Variants in KHDC1 observed in about 807,000 individuals in gnomAD.
KHDC1 encodes the protein KH homology domain-containing protein 1.
A neutral mutation model predicts 24.7 loss-of-function variants in KHDC1; 21 were observed. The ratio of observed to expected loss-of-function variants is 0.85; its 90% confidence interval spans 0.60 to 1.23. The LOEUF (loss-of-function observed/expected upper bound fraction) is 1.23. Ranked by LOEUF, KHDC1 falls within the 50% of genes most tolerant of loss-of-function variation. KHDC1 has a pLI of 0.00. For synonymous variants in KHDC1, 98 were observed against 111.7 expected (o/e 0.88, Z 0.77); for missense variants, 274 against 298.5 (o/e 0.92, Z 0.61).
At chr6:73,297,361 CTT>C (rs1767776763) in intron 1 of KHDC1, among the ~76,000 whole-genome samples, 2 of 151,948 alleles carry the variant, frequency 1.3e-5, no homozygotes, top group South Asian at 4.2e-4. Flanking sequence ...ATGATGAGCA[CTT>C]ATCTTTTCAC....
At chr6:73,267,539 T>C (rs1457408393) in intron 2 of KHDC1, among the ~76,000 whole-genome samples, 2 of 152,112 alleles carry the variant, frequency 1.3e-5, no homozygotes, top group Non-Finnish European at 2.9e-5. Context: ...GGCAAAGATA[T>C]TGAGAAATTT....
chr6:73,306,612 A>G (rs189645563), intron 1 of KHDC1, among the ~76,000 whole-genome samples: 64 of 151,412 alleles, frequency 4.2e-4, no homozygotes, highest in African/African-American at 1.5e-3. Flanking sequence ...ATCTGACTGG[A>G]CTGCTGGACA....
chr6:73,241,714 C>A lies in KHDC1; in HGVS notation c.529G>T (p.Glu177Ter). ...GTCAGAGGCTGGCTTCGGACACGTT[C>A]CAGCATCTCCAGGCCTGCAAAATAA... is the stretch of plus-strand genomic sequence containing the variant. The change falls in exon 5 of 5, where the codon GAA (glutamate) becomes TAA (stop). Residue 177 changes from glutamate (E) to a stop codon, truncating the protein, a stop_gained. Transcript: ENST00000370384. LOFTEE classifies it low-confidence loss of function (END_TRUNC). 1.9e-6 allele frequency: 3 copies of A among 1,614,124 alleles called. No homozygotes were observed. Among genetic ancestry groups the A allele is most frequent in the Non-Finnish European group, 2.5e-6 (3 of 1,180,028 alleles).
intron 2 of KHDC1, among the ~76,000 whole-genome samples, chr6:73,242,745 C>T (rs973832395): frequency 1.2e-4 from 18 of 152,180 alleles, no homozygotes; most frequent in African/African-American, 4.3e-4. Flanking sequence ...ACTTAATCAT[C>T]TGATTAGTGC....
intron 1 of KHDC1, among the ~76,000 whole-genome samples, chr6:73,298,515 A>C (rs1361469193): frequency 3.0e-5 from 4 of 132,246 alleles, no homozygotes; most frequent in African/African-American, 1.2e-4. Flanking sequence ...GGCTCACAGC[A>C]ACCTCCGCCT....
chr6:73,257,477 C>T (rs1481938439), intron 2 of KHDC1, among the ~76,000 whole-genome samples: 1 of 152,164 alleles, frequency 6.6e-6, no homozygotes, highest in Non-Finnish European at 1.5e-5. Context: ...CGGCTCACTG[C>T]AACCTCCGCC....
At chr6:73,243,409 G>A in intron 2 of KHDC1, among the ~76,000 whole-genome samples, 1 of 99,932 alleles carries the variant, frequency 1.0e-5, no homozygotes, top group East Asian at 2.8e-4. Context: ...TTTCATCTGT[G>A]GGGTTCAGAT....
intron 2 of KHDC1, among the ~76,000 whole-genome samples, chr6:73,254,858 T>C (rs1281344773): frequency 6.6e-6 from 1 of 151,760 alleles, no homozygotes; most frequent in African/African-American, 2.4e-5. Context: ...AAAAATTAGC[T>C]GGGTACGGTG....
intron 2 of KHDC1, among the ~76,000 whole-genome samples, chr6:73,280,625 A>G (rs1005132417): frequency 6.8e-6 from 1 of 147,006 alleles, no homozygotes; most frequent in Non-Finnish European, 1.5e-5. Flanking sequence ...GGTTCAAGTG[A>G]TTCTCCTGCC....
At chr6:73,309,853 A>T in exon 1 of KHDC1, 1 of 1,019,426 alleles carries the variant, frequency 9.8e-7, no homozygotes, top group Non-Finnish European at 1.4e-6. Flanking sequence ...GGAAAGGGCC[A>T]CTTCGGGTCG....
intron 2 of KHDC1, chr6:73,269,233 C>G (rs961488344): frequency 2.6e-5 from 4 of 152,794 alleles, no homozygotes; most frequent in African/African-American, 7.2e-5. Context: ...CGCACAGCCC[C>G]GGTTCCCGCT....
intron 2 of KHDC1, among the ~76,000 whole-genome samples, chr6:73,287,419 C>A (rs902257673): frequency 4.6e-5 from 7 of 152,164 alleles, no homozygotes; most frequent in Non-Finnish European, 4.4e-5. Context: ...AATACCTGGG[C>A]AGCCAACAAG....
intron 2 of KHDC1, among the ~76,000 whole-genome samples, chr6:73,254,793 G>A (rs376949336): frequency 4.6e-5 from 7 of 152,100 alleles, no homozygotes; most frequent in African/African-American, 1.7e-4. Context: ...ACGAGGTCAG[G>A]AGATTGAGAC....
intron 2 of KHDC1, among the ~76,000 whole-genome samples, chr6:73,286,657 G>C (rs1318260508): frequency 6.6e-6 from 1 of 152,196 alleles, no homozygotes; most frequent in African/African-American, 2.4e-5. Context: ...TGAGGCAGGA[G>C]GATCATTTGA....
Position 73,241,746 on chromosome 6 carries a change from A to G in KHDC1, c.515-18T>C. ...CTCCAGGCCTGCAAAATAAGTGCCC[A>G]GGGCTAATGAACCAGGGCCCATAAC... On this transcript the variant is annotated intron_variant, in intron 4 of 4. Transcript: ENST00000370384. 1 of 1,613,608 alleles carries G rather than the reference A, an allele frequency of 6.2e-7. No homozygotes were observed. Among genetic ancestry groups the G allele is most frequent in the Non-Finnish European group, 8.5e-7 (1 of 1,179,632 alleles).
intron 2 of KHDC1, among the ~76,000 whole-genome samples, chr6:73,289,388 T>TAA (rs1767593989): frequency 1.6e-5 from 2 of 124,838 alleles, no homozygotes; most frequent in Admixed American, 1.8e-4. Flanking sequence ...CTACAGTGGC[T>TAA]CCTGTAATCC....
chr6:73,303,068 C>T (rs955259890), intron 1 of KHDC1, among the ~76,000 whole-genome samples: 1 of 152,188 alleles, frequency 6.6e-6, no homozygotes, highest in Non-Finnish European at 1.5e-5. Context: ...CAGAGTGAGA[C>T]TCTGCCCCAA....
chr6:73,285,898 TATC>T (rs1767511545), intron 2 of KHDC1, among the ~76,000 whole-genome samples: 1 of 152,176 alleles, frequency 6.6e-6, no homozygotes, highest in Non-Finnish European at 1.5e-5. Context: ...AGCTCAATCT[TATC>T]TTAACTCCAT....
chr6:73,306,557 A>C (rs1298682533), intron 1 of KHDC1, among the ~76,000 whole-genome samples: 2 of 152,252 alleles, frequency 1.3e-5, no homozygotes. Flanking sequence ...TAAAGCTAGC[A>C]GTGAGCCCTG....
Sources: gnomAD v4.1 joint callset for allele counts (sites outside exome capture counted in the v4.1 genomes callset) on GRCh38, gnomAD v4.1.1 for gene constraint, MANE v1.5 for transcripts, NCBI Gene and HGNC (gene_info 2026-07-23, HGNC 2026-07-21) for gene names.